HAO1: variants seen among roughly 807,000 people sequenced by gnomAD.
HAO1 encodes the protein hydroxyacid oxidase 1.
A neutral mutation model predicts 39.7 loss-of-function variants in HAO1; 34 were observed. That is an observed-to-expected ratio of 0.86 (90% CI 0.65 to 1.14). The LOEUF is 1.14. Among genes scored for constraint, HAO1 ranks in the 50% most tolerant of loss-of-function variants. The probability of loss-of-function intolerance (pLI) is 0.00; values close to 1 mark genes in which losing one functional copy is unlikely to be tolerated. For missense variants in HAO1, 479 were observed against 464.5 expected (o/e 1.03, Z -0.29); for synonymous variants, 172 against 173.2 (o/e 0.99, Z 0.05).
chr20:7,892,214 T>C (rs997723713), intron 5 of HAO1, among the ~76,000 whole-genome samples: 1 of 152,144 alleles, frequency 6.6e-6, no homozygotes, highest in Non-Finnish European at 1.5e-5. Flanking sequence ...GCCTCCCAAG[T>C]AGCTGGGATT....
chr20:7,940,224 C>A (rs2050434500), intron 1 of HAO1, 62 bp downstream of exon 1: 2 of 1,367,572 alleles, frequency 1.5e-6, no homozygotes, highest in African/African-American at 1.5e-5. Context: ...ACTAGGAGAT[C>A]TTATTTTGGT....
intron 5 of HAO1, among the ~76,000 whole-genome samples, chr20:7,893,223 T>G (rs1477351008): frequency 1.3e-5 from 2 of 152,270 alleles, no homozygotes; most frequent in East Asian, 3.9e-4. Context: ...GAAAAATATG[T>G]CAGTGAAAGA....
intron 2 of HAO1, among the ~76,000 whole-genome samples, chr20:7,925,784 T>C (rs1256087018): frequency 6.6e-6 from 1 of 152,112 alleles, no homozygotes; most frequent in Non-Finnish European, 1.5e-5. Context: ...AGCAATCTCA[T>C]GCTCTCAAGA....
At chr20:7,904,991 T>A (rs1413458924) in intron 4 of HAO1, among the ~76,000 whole-genome samples, 1 of 152,106 alleles carries the variant, frequency 6.6e-6, no homozygotes. Flanking sequence ...TCCACAAAAA[T>A]TTTGAACTAG....
chr20:7,897,116 AT>A (rs1033615307), intron 4 of HAO1, among the ~76,000 whole-genome samples: 7 of 152,156 alleles, frequency 4.6e-5, no homozygotes, highest in African/African-American at 1.7e-4. Context: ...TGGAAAAACC[AT>A]TTTCCTCAGA....
At chr20:7,895,733 T>C (rs2050194346) in intron 4 of HAO1, among the ~76,000 whole-genome samples, 2 of 152,126 alleles carry the variant, frequency 1.3e-5, no homozygotes, top group South Asian at 2.1e-4. Flanking sequence ...TATAATTAAA[T>C]ATATGTTTGC....
intron 4 of HAO1, among the ~76,000 whole-genome samples, chr20:7,903,029 G>C (rs1277791568): frequency 6.6e-6 from 1 of 152,208 alleles, no homozygotes; most frequent in East Asian, 1.9e-4. Flanking sequence ...AAGAGGATGG[G>C]TGACTCTCAG....
chr20:7,886,660 C>T (rs114270009), intron 5 of HAO1, among the ~76,000 whole-genome samples: 2,996 of 152,168 alleles, frequency 0.02, 105 homozygotes, highest in African/African-American at 0.065. Context: ...TCTGTGAAAA[C>T]ATTTTTCTTG....
intron 4 of HAO1, among the ~76,000 whole-genome samples, chr20:7,900,316 T>C (rs1215151578): frequency 6.6e-6 from 1 of 152,132 alleles, no homozygotes; most frequent in Non-Finnish European, 1.5e-5. Flanking sequence ...AGACTACAAC[T>C]CGCTGAAGAC....
chr20:7,937,474 T>C (rs2050418252), intron 1 of HAO1, among the ~76,000 whole-genome samples: 1 of 152,140 alleles, frequency 6.6e-6, no homozygotes, highest in Non-Finnish European at 1.5e-5. Flanking sequence ...GGTAACTTCA[T>C]ATCACTTCTC....
intron 4 of HAO1, among the ~76,000 whole-genome samples, chr20:7,903,047 A>T (rs964451454): frequency 2.0e-5 from 3 of 152,242 alleles, no homozygotes; most frequent in Non-Finnish European, 4.4e-5. Context: ...CAGTCAATCC[A>T]TGTGATTTCT....
At chr20:7,934,360 G>A (rs1434237986) in intron 2 of HAO1, 124 bp downstream of exon 2, 1 of 658,168 alleles carries the variant, frequency 1.5e-6, no homozygotes, top group Non-Finnish European at 2.5e-6. Context: ...TGATGATAGA[G>A]TCCATGAGCT....
intron 4 of HAO1, among the ~76,000 whole-genome samples, chr20:7,905,017 G>A (rs1234524401): frequency 6.6e-6 from 1 of 152,154 alleles, no homozygotes. Context: ...TGATTAGTAG[G>A]AAACAGTGAA....
At chr20:7,885,294 C>T (rs752169346) in intron 7 of HAO1, among the ~76,000 whole-genome samples, 4 of 152,110 alleles carry the variant, frequency 2.6e-5, no homozygotes, top group East Asian at 1.9e-4. Flanking sequence ...TCCAAGTACT[C>T]GTACTCACCA....
At chr20:7,894,638 A>T (rs1365039753) in intron 5 of HAO1, among the ~76,000 whole-genome samples, 2 of 151,768 alleles carry the variant, frequency 1.3e-5, no homozygotes, top group East Asian at 3.9e-4. Context: ...TCCTTTTCCC[A>T]ACTCTCCACC....
At chr20:7,909,379 G>GTATGTA (rs2050265611) in intron 3 of HAO1, among the ~76,000 whole-genome samples, 5 of 108,240 alleles carry the variant, frequency 4.6e-5, no homozygotes, top group African/African-American at 2.2e-4. Flanking sequence ...ATATATATAT[G>GTATGTA]TATATATATA....
At chr20:7,915,223 T>A (rs1315397677) in intron 2 of HAO1, among the ~76,000 whole-genome samples, 1 of 152,178 alleles carries the variant, frequency 6.6e-6, no homozygotes, top group Admixed American at 6.5e-5. Flanking sequence ...GCTATGAAGG[T>A]GTTTTTTAGA....
intron 3 of HAO1, among the ~76,000 whole-genome samples, chr20:7,912,003 A>G (rs904316366): frequency 1.3e-5 from 2 of 152,348 alleles, no homozygotes; most frequent in South Asian, 2.1e-4. Flanking sequence ...TCCGAAGTCC[A>G]CTAGGACAAA....
chr20:7,934,734 G>T, intron 1 of HAO1, 99 bp from the exon 2 acceptor site: 1 of 726,798 alleles, frequency 1.4e-6, no homozygotes, highest in Non-Finnish European at 2.1e-6. Context: ...AAATATAATT[G>T]GATTTTTTCC....
Sources: gnomAD v4.1 joint callset for allele counts (sites outside exome capture counted in the v4.1 genomes callset) on GRCh38, gnomAD v4.1.1 for gene constraint, MANE v1.5 for transcripts, NCBI Gene and HGNC (gene_info 2026-07-23, HGNC 2026-07-21) for gene names.